TENM3: variants seen among roughly 807,000 people sequenced by gnomAD.
TENM3 encodes teneurin transmembrane protein 3.
A neutral mutation model predicts 255.1 loss-of-function variants in TENM3; 63 were observed. That is an observed-to-expected ratio of 0.25 (90% CI 0.20 to 0.30). The LOEUF is 0.30. TENM3 is among the 10% of genes least tolerant of loss of function. TENM3 has a pLI of 1.00. For synonymous variants in TENM3, 1,306 were observed against 1,322.3 expected (o/e 0.99, Z 0.27); for missense variants, 2,929 against 3,461.1 (o/e 0.85, Z 3.86).
At chr4:182,572,197 C>T (rs898925822) in intron 3 of TENM3, among the ~76,000 whole-genome samples, 3 of 152,132 alleles carry the variant, frequency 2.0e-5, no homozygotes, top group African/African-American at 4.8e-5. Flanking sequence ...CCACTGCGCC[C>T]GGCCAATATT....
chr4:182,431,777 T>C (rs759820052), intron 3 of TENM3, among the ~76,000 whole-genome samples: 1 of 151,774 alleles, frequency 6.6e-6, no homozygotes, highest in Non-Finnish European at 1.5e-5. Flanking sequence ...TGTAATACAA[T>C]CAGAAATGAA....
At chr4:181,575,619 G>C in the TENM3 span, among the ~76,000 whole-genome samples, 1 of 152,104 alleles carries the variant, frequency 6.6e-6, no homozygotes. Flanking sequence ...TATTTTAATT[G>C]GTGAATTTGA....
intron 16 of TENM3, among the ~76,000 whole-genome samples, chr4:182,734,719 G>A (rs1167931977): frequency 1.3e-5 from 2 of 152,142 alleles, no homozygotes; most frequent in African/African-American, 4.8e-5. Context: ...TTCCCACTTT[G>A]GCTGGATTTA....
intron 3 of TENM3, chr4:182,448,954 T>A: frequency 2.5e-6 from 1 of 392,320 alleles, no homozygotes; most frequent in South Asian, 1.7e-5. Context: ...CCTCAGCCTA[T>A]CATGTCTGGC....
intron 1 of TENM3, among the ~76,000 whole-genome samples, chr4:182,277,253 T>C (rs1760064404): frequency 6.6e-6 from 1 of 152,124 alleles, no homozygotes; most frequent in Admixed American, 6.5e-5. Context: ...TAGATAGCAA[T>C]GTTAACCAAA....
the TENM3 span, among the ~76,000 whole-genome samples, chr4:182,066,549 T>G: frequency 1.3e-5 from 2 of 149,550 alleles, no homozygotes. Flanking sequence ...CTTTTAAATT[T>G]TATTTATTTA....
At chr4:182,430,230 G>C (rs1771517976) in intron 3 of TENM3, among the ~76,000 whole-genome samples, 1 of 152,202 alleles carries the variant, frequency 6.6e-6, no homozygotes, top group Non-Finnish European at 1.5e-5. Context: ...GTATATTTGA[G>C]GAGCAGATTG....
At chr4:181,933,226 G>A in the TENM3 span, among the ~76,000 whole-genome samples, 1 of 152,188 alleles carries the variant, frequency 6.6e-6, no homozygotes, top group East Asian at 1.9e-4. Context: ...CAAACCCAAG[G>A]TTAGAAGTTC....
chr4:181,563,749 A>G, the TENM3 span, among the ~76,000 whole-genome samples: 20,864 of 152,224 alleles, frequency 0.14, 1,603 homozygotes, highest in Middle Eastern at 0.25. Flanking sequence ...TTAAAATGAC[A>G]TATTTCCTGT....
chr4:182,160,485 A>G (rs1361277381), intron 1 of TENM3, among the ~76,000 whole-genome samples: 1 of 152,236 alleles, frequency 6.6e-6, no homozygotes, highest in African/African-American at 2.4e-5. Flanking sequence ...AGTAGAAAAA[A>G]TTACAAGACA....
At chr4:182,786,164 T>G (rs956726778) in intron 24 of TENM3, among the ~76,000 whole-genome samples, 1 of 152,026 alleles carries the variant, frequency 6.6e-6, no homozygotes, top group Non-Finnish European at 1.5e-5. Flanking sequence ...TCTCACTGCT[T>G]CCAGGTGCTT....
chr4:181,748,659 A>C, the TENM3 span, among the ~76,000 whole-genome samples: 1 of 152,132 alleles, frequency 6.6e-6, no homozygotes, highest in Admixed American at 6.5e-5. Flanking sequence ...GTGTATATAA[A>C]AAAAGTAAGT....
chr4:182,267,925 T>C (rs1435551202), intron 1 of TENM3, among the ~76,000 whole-genome samples: 1 of 152,178 alleles, frequency 6.6e-6, no homozygotes, highest in Non-Finnish European at 1.5e-5. Context: ...AGTTTATTTC[T>C]GCAATCTAGG....
At chr4:181,597,331 A>G in the TENM3 span, among the ~76,000 whole-genome samples, 3 of 152,340 alleles carry the variant, frequency 2.0e-5, no homozygotes, top group African/African-American at 7.2e-5. Flanking sequence ...CTGTGTTTGC[A>G]ACAGGGCATA....
chr4:181,794,601 C>T, the TENM3 span, among the ~76,000 whole-genome samples: 40,499 of 151,120 alleles, frequency 0.27, 5,538 homozygotes, highest in South Asian at 0.34. Context: ...TCATTCATGT[C>T]TCAAATAATG....
chr4:182,420,074 T>C (rs144566803), intron 3 of TENM3, among the ~76,000 whole-genome samples: 17 of 152,066 alleles, frequency 1.1e-4, no homozygotes, highest in Middle Eastern at 3.4e-3. Flanking sequence ...GTGAGGACAT[T>C]GAGGTTAACA....
intron 3 of TENM3, among the ~76,000 whole-genome samples, chr4:182,554,759 C>G (rs779424430): frequency 6.6e-6 from 1 of 152,092 alleles, no homozygotes; most frequent in Admixed American, 6.6e-5. Context: ...CAAAAGAATT[C>G]TGAAACAAAG....
At chr4:182,499,482 T>C (rs1736114403) in intron 3 of TENM3, among the ~76,000 whole-genome samples, 1 of 152,110 alleles carries the variant, frequency 6.6e-6, no homozygotes, top group Non-Finnish European at 1.5e-5. Context: ...AAAAGCTGCC[T>C]ACCCAACTCT....
the TENM3 span, among the ~76,000 whole-genome samples, chr4:181,593,375 T>A: frequency 6.6e-6 from 1 of 152,234 alleles, no homozygotes; most frequent in Non-Finnish European, 1.5e-5. Context: ...AATATTTGCA[T>A]ATACACTTTT....
Sources: allele counts gnomAD v4.1 joint callset (sites outside exome capture counted in the v4.1 genomes callset), GRCh38; gene constraint gnomAD v4.1.1; transcripts MANE v1.5; gene names NCBI Gene and HGNC (gene_info 2026-07-23, HGNC 2026-07-21).